CHCHD3: variants seen among roughly 807,000 people sequenced by gnomAD.
CHCHD3 encodes the protein MICOS complex subunit MIC19.
CHCHD3 carries 20 observed loss-of-function variants against 38.2 expected under a neutral mutation model. The observed-to-expected ratio is 0.52, with a 90% CI of 0.37 to 0.76. CHCHD3 has a LOEUF of 0.76. Ranked by LOEUF, CHCHD3 falls within the 30% of genes least tolerant of loss-of-function variation. The pLI is 0.00. For synonymous variants in CHCHD3, 82 were observed against 100.0 expected (o/e 0.82, Z 1.07); for missense variants, 245 against 279.2 (o/e 0.88, Z 0.87).
intron 4 of CHCHD3, among the ~76,000 whole-genome samples, chr7:132,930,192 A>T (rs866317670): frequency 1.6e-4 from 16 of 101,300 alleles, no homozygotes; most frequent in Middle Eastern, 7.1e-3. Flanking sequence ...TTGAGACAGG[A>T]GTCTCGTTCT....
chr7:132,847,560 TG>T (rs571895441), intron 5 of CHCHD3, among the ~76,000 whole-genome samples: 15 of 152,360 alleles, frequency 9.8e-5, no homozygotes, highest in African/African-American at 3.6e-4. Context: ...CAAGTTTCTC[TG>T]GGCTGGCCGT....
At chr7:132,868,441 A>T (rs556997201) in intron 5 of CHCHD3, among the ~76,000 whole-genome samples, 20 of 152,244 alleles carry the variant, frequency 1.3e-4, no homozygotes, top group African/African-American at 4.6e-4. Context: ...AGTCAAAAAA[A>T]TTACATTCTT....
At chr7:132,998,363 T>C (rs1812480610) in intron 3 of CHCHD3, among the ~76,000 whole-genome samples, 1 of 152,346 alleles carries the variant, frequency 6.6e-6, no homozygotes, top group South Asian at 2.1e-4. Context: ...TGGTTTGGAA[T>C]GACTGCACTT....
At chr7:132,933,190 A>G (rs886083501) in intron 4 of CHCHD3, among the ~76,000 whole-genome samples, 2 of 152,214 alleles carry the variant, frequency 1.3e-5, no homozygotes, top group African/African-American at 4.8e-5. Flanking sequence ...TGCAATTTGC[A>G]CTTATCAACT....
intron 4 of CHCHD3, among the ~76,000 whole-genome samples, chr7:132,926,118 A>G (rs1043051225): frequency 1.3e-5 from 2 of 152,222 alleles, no homozygotes; most frequent in Non-Finnish European, 2.9e-5. Context: ...AATCAGATAC[A>G]CCATTCCAGA....
At chr7:133,069,149 C>G (rs754327648) in intron 2 of CHCHD3, among the ~76,000 whole-genome samples, 7 of 152,140 alleles carry the variant, frequency 4.6e-5, no homozygotes, top group Admixed American at 6.5e-5. Flanking sequence ...AAGGCATGCT[C>G]ACTTTCTATC....
At chr7:132,798,889 A>G (rs189881581) in intron 6 of CHCHD3, among the ~76,000 whole-genome samples, 10 of 152,288 alleles carry the variant, frequency 6.6e-5, no homozygotes, top group Admixed American at 6.5e-4. Flanking sequence ...GCTATTAGTC[A>G]TGCAAGTTAA....
chr7:132,823,243 A>C (rs1227542395), intron 6 of CHCHD3, among the ~76,000 whole-genome samples: 1 of 152,208 alleles, frequency 6.6e-6, no homozygotes, highest in Non-Finnish European at 1.5e-5. Context: ...AATCTAATAC[A>C]TTAGTTCCCC....
chr7:132,849,829 T>A (rs1808168239), intron 5 of CHCHD3, among the ~76,000 whole-genome samples: 1 of 152,218 alleles, frequency 6.6e-6, no homozygotes, highest in Non-Finnish European at 1.5e-5. Context: ...AGCAGCCATC[T>A]TGGGACATAA....
chr7:132,965,263 T>C (rs1193070964), intron 4 of CHCHD3, among the ~76,000 whole-genome samples: 6 of 152,136 alleles, frequency 3.9e-5, no homozygotes, highest in African/African-American at 1.4e-4. Context: ...ATTTGCTAAA[T>C]TGTGCCCAAA....
intron 7 of CHCHD3, among the ~76,000 whole-genome samples, chr7:132,792,235 C>T (rs145340017): frequency 1.3e-5 from 2 of 152,276 alleles, no homozygotes; most frequent in African/African-American, 4.8e-5. Flanking sequence ...AAAGGCATCA[C>T]GATCCAGGGG....
intron 3 of CHCHD3, among the ~76,000 whole-genome samples, chr7:133,009,174 G>A (rs777373051): frequency 1.3e-5 from 2 of 151,716 alleles, no homozygotes; most frequent in Non-Finnish European, 2.9e-5. Context: ...GACCAGCCTG[G>A]CCAACATGTG....
At chr7:132,920,948 T>C (rs1193208944) in intron 4 of CHCHD3, among the ~76,000 whole-genome samples, 1 of 152,158 alleles carries the variant, frequency 6.6e-6, no homozygotes, top group African/African-American at 2.4e-5. Context: ...ACATCACTTA[T>C]TTTCTGTCCA....
At chr7:132,894,951 T>C (rs1809457296) in intron 4 of CHCHD3, among the ~76,000 whole-genome samples, 1 of 152,238 alleles carries the variant, frequency 6.6e-6, no homozygotes, top group African/African-American at 2.4e-5. Context: ...AGGAGGCTAC[T>C]AGAAGGGCTT....
chr7:133,000,436 T>A (rs901887622), intron 3 of CHCHD3, among the ~76,000 whole-genome samples: 8 of 152,176 alleles, frequency 5.3e-5, no homozygotes, highest in Non-Finnish European at 1.0e-4. Context: ...AGGTGACTTT[T>A]ATGATTATTC....
chr7:133,004,053 C>T lies in CHCHD3; in HGVS notation c.251+20493G>A, dbSNP rs569706925. Reference sequence around the variant, plus strand: ...GTTCACTGCAACCTCCGCCGTGGAGCGATTCTCCTGCCTCAGCCTCCCAAG... The same window carrying T: ...GTTCACTGCAACCTCCGCCGTGGAGTGATTCTCCTGCCTCAGCCTCCCAAG... On this transcript the variant is annotated intron_variant, in intron 3 of 7. Transcript: ENST00000262570. Among the ~76,000 whole-genome samples, 8 of 151,996 alleles carry T rather than the reference C, an allele frequency of 5.3e-5. No individual in the cohort carries two copies. The East Asian group carries it at 5.8e-4, about 11-fold the overall frequency.
At chr7:132,959,461 G>A (rs1009699818) in intron 4 of CHCHD3, among the ~76,000 whole-genome samples, 1 of 152,118 alleles carries the variant, frequency 6.6e-6, no homozygotes, top group South Asian at 2.1e-4. Context: ...GGTGGCTCAC[G>A]CCTATAATCC....
chr7:132,973,508 A>G, intron 4 of CHCHD3: 1 of 985,454 alleles, frequency 1.0e-6, no homozygotes, highest in Non-Finnish European at 1.2e-6. Flanking sequence ...TTTCACAATG[A>G]CTGACTTTGC....
chr7:132,896,240 C>T (rs938493042), intron 4 of CHCHD3, among the ~76,000 whole-genome samples: 1 of 152,196 alleles, frequency 6.6e-6, no homozygotes, highest in Non-Finnish European at 1.5e-5. Context: ...AAACTAGAAT[C>T]AAAGCTTCTA....
Sources: allele counts gnomAD v4.1 joint callset (sites outside exome capture counted in the v4.1 genomes callset), GRCh38; gene constraint gnomAD v4.1.1; transcripts MANE v1.5; gene names NCBI Gene and HGNC (gene_info 2026-07-23, HGNC 2026-07-21).